Variants in CACNB2 observed in about 807,000 individuals in gnomAD.
The protein encoded by CACNB2 is voltage-dependent L-type calcium channel subunit beta-2.
CACNB2 carries 42 observed loss-of-function variants against 73.3 expected under a neutral mutation model. That is an observed-to-expected ratio of 0.57 (90% CI 0.45 to 0.74). The LOEUF (loss-of-function observed/expected upper bound fraction) is 0.74. Ranked by LOEUF, CACNB2 falls within the 30% of genes least tolerant of loss-of-function variation. The pLI is 0.00. For missense variants in CACNB2, 940 were observed against 853.0 expected, an observed-to-expected ratio of 1.10 and a Z score of -1.27; for synonymous variants, 348 against 310.3, an observed-to-expected ratio of 1.12 and a Z score of -1.28.
chr10:18,334,633 T>C (rs1564445407), intron 2 of CACNB2, among the ~76,000 whole-genome samples: 1 of 152,114 alleles, frequency 6.6e-6, no homozygotes, highest in Non-Finnish European at 1.5e-5. Context: ...CTGTGCATTG[T>C]AGGATGCTGA....
At chr10:18,162,834 T>C (rs1382517037) in intron 2 of CACNB2, among the ~76,000 whole-genome samples, 1 of 152,222 alleles carries the variant, frequency 6.6e-6, no homozygotes, top group Non-Finnish European at 1.5e-5. Context: ...AGTGATGTGT[T>C]ACTCTGAATA....
At chr10:18,427,318 T>C (rs573308650) in intron 3 of CACNB2, among the ~76,000 whole-genome samples, 1 of 152,260 alleles carries the variant, frequency 6.6e-6, no homozygotes, top group Non-Finnish European at 1.5e-5. Context: ...ATAAACAACA[T>C]TTTCATGATG....
At chr10:18,235,367 A>G (rs1178696544) in intron 2 of CACNB2, among the ~76,000 whole-genome samples, 2 of 151,804 alleles carry the variant, frequency 1.3e-5, no homozygotes, top group Non-Finnish European at 2.9e-5. Flanking sequence ...CTGAGGCAGG[A>G]GGATCCCTTG....
intron 7 of CACNB2, among the ~76,000 whole-genome samples, chr10:18,517,296 A>T (rs1176290381): frequency 6.6e-6 from 1 of 152,204 alleles, no homozygotes; most frequent in African/African-American, 2.4e-5. Flanking sequence ...TTTTTTTAAA[A>T]AGTCATTTTT....
At chr10:18,243,730 T>A (rs2131518132) in intron 2 of CACNB2, among the ~76,000 whole-genome samples, 1 of 152,286 alleles carries the variant, frequency 6.6e-6, no homozygotes, top group South Asian at 2.1e-4. Context: ...TCTTGGCACA[T>A]GATTTCTACA....
chr10:18,484,572 T>C (rs1217389252), intron 3 of CACNB2, among the ~76,000 whole-genome samples: 1 of 152,048 alleles, frequency 6.6e-6, no homozygotes, highest in Admixed American at 6.6e-5. Context: ...AAGAGAGTGC[T>C]CAAATTAGTG....
chr10:18,395,071 G>A (rs1272238908), intron 2 of CACNB2, among the ~76,000 whole-genome samples: 1 of 152,166 alleles, frequency 6.6e-6, no homozygotes, highest in East Asian at 1.9e-4. Context: ...TATTCCAGGA[G>A]TGCCTGAGTA....
At chr10:18,224,485 C>CTACTTTATACTTTA (rs1455592372) in intron 2 of CACNB2, among the ~76,000 whole-genome samples, 6 of 152,112 alleles carry the variant, frequency 3.9e-5, no homozygotes, top group Middle Eastern at 3.2e-3. Flanking sequence ...CATTTTGTAG[C>CTACTTTATACTTTA]TACTTTATAC....
intron 2 of CACNB2, among the ~76,000 whole-genome samples, chr10:18,311,550 G>A (rs980912677): frequency 6.6e-6 from 1 of 152,108 alleles, no homozygotes; most frequent in Non-Finnish European, 1.5e-5. Context: ...TGTGTTGTAT[G>A]TACTATGTAC....
chr10:18,461,701 C>T (rs1448696983), intron 3 of CACNB2, among the ~76,000 whole-genome samples: 2 of 151,632 alleles, frequency 1.3e-5, no homozygotes, highest in Admixed American at 6.6e-5. Flanking sequence ...ATGCCACCCA[C>T]TCACCCACTG....
intron 3 of CACNB2, among the ~76,000 whole-genome samples, chr10:18,470,617 C>A (rs550567112): frequency 6.4e-4 from 98 of 152,000 alleles, no homozygotes; most frequent in African/African-American, 2.3e-3. Context: ...TTGCATGGAG[C>A]CTTTGCATAC....
chr10:18,227,978 A>G (rs1347553751), intron 2 of CACNB2, among the ~76,000 whole-genome samples: 2 of 152,178 alleles, frequency 1.3e-5, no homozygotes, highest in Admixed American at 1.3e-4. Context: ...TCTTCAGTGC[A>G]TGCTCTGAAA....
chr10:18,336,342 C>G (rs902862254), intron 2 of CACNB2, among the ~76,000 whole-genome samples: 1 of 152,130 alleles, frequency 6.6e-6, no homozygotes, highest in South Asian at 2.1e-4. Flanking sequence ...TAGGGTGGGC[C>G]AGACATGGCA....
rs139753915 is a variant in CACNB2 at position 18,277,253 on chromosome 10, G to A, written c.214-124671G>A. Reference sequence around the variant, plus strand: ...AGCCAGGTGGCACCGGGTGCAGACCGCAGAGCATGCAGGAGGAGTGGCCTA... The same window carrying A: ...AGCCAGGTGGCACCGGGTGCAGACCACAGAGCATGCAGGAGGAGTGGCCTA... On this transcript the variant is annotated intron_variant, in intron 2 of 13. Transcript: ENST00000324631. 4.4e-4 allele frequency among the ~76,000 whole-genome samples: 67 copies of A among 152,310 alleles called. 1 individual carries two copies. The highest frequency in any genetic ancestry group is 1.3e-3 in the African/African-American group (56 of 41,562).
intron 3 of CACNB2, among the ~76,000 whole-genome samples, chr10:18,455,149 G>A (rs1048817445): frequency 6.6e-6 from 1 of 151,988 alleles, no homozygotes; most frequent in Non-Finnish European, 1.5e-5. Context: ...TCTGGAAAAA[G>A]CATTAAAAGG....
chr10:18,211,477 G>A (rs2035314698), intron 2 of CACNB2, among the ~76,000 whole-genome samples: 1 of 152,072 alleles, frequency 6.6e-6, no homozygotes. Flanking sequence ...CATGAGCTGG[G>A]TTTGTTTTTA....
At chr10:18,509,318 G>A (rs1275787690) in intron 6 of CACNB2, among the ~76,000 whole-genome samples, 2 of 152,116 alleles carry the variant, frequency 1.3e-5, no homozygotes, top group African/African-American at 4.8e-5. Flanking sequence ...AAGAATATAA[G>A]TATCTGCCTA....
intron 3 of CACNB2, among the ~76,000 whole-genome samples, chr10:18,406,117 C>T (rs751156988): frequency 2.6e-4 from 40 of 152,214 alleles, no homozygotes; most frequent in East Asian, 1.2e-3. Flanking sequence ...ACTGCAAGGC[C>T]GGAGCCACAA....
At position 18,171,521 on chromosome 10, in the gene CACNB2, G is replaced by GAAAAAAAAAAAAAAAAAAAAAAAAA. The variant is rs370201485; in HGVS notation, c.213+20550_213+20574dup. On this transcript the variant is annotated intron_variant, in intron 2 of 13. Coordinates refer to ENST00000324631, the MANE Select transcript of CACNB2 (RefSeq NM_201596.3). ...TCCCTTCTTCCCGGCTTTGATAGCA[G>GAAAAAAAAAAAAAAAAAAAAAAAAA]AAAAAAAAAAAAAAAAAAAAAAAAA... 6.1e-5 allele frequency among the ~76,000 whole-genome samples: 2 copies of GAAAAAAAAAAAAAAAAAAAAAAAAA among 32,588 alleles called. 1 individual carries two copies. Among genetic ancestry groups the GAAAAAAAAAAAAAAAAAAAAAAAAA allele is most frequent in the Non-Finnish European group, 1.1e-4 (2 of 17,508 alleles). The allele number at this position is 32,588 out of a possible 152,430, so 21.4% of individuals were successfully genotyped here.
Sources: gnomAD v4.1 joint callset for allele counts (sites outside exome capture counted in the v4.1 genomes callset) on GRCh38, gnomAD v4.1.1 for gene constraint, MANE v1.5 for transcripts, NCBI Gene and HGNC (gene_info 2026-07-23, HGNC 2026-07-21) for gene names.